Variants in OXR1 observed in about 807,000 individuals in gnomAD.
OXR1 encodes the protein oxidation resistance protein 1.
In OXR1, 41 loss-of-function variants were observed where a neutral mutation model predicts 104.6. The ratio of observed to expected loss-of-function variants is 0.39; its 90% confidence interval spans 0.31 to 0.51. The LOEUF (loss-of-function observed/expected upper bound fraction) is 0.51, where lower values mean the gene tolerates loss of function less well. Ranked by LOEUF, OXR1 falls within the 20% of genes least tolerant of loss-of-function variation. OXR1 has a pLI of 0.77. For synonymous variants in OXR1, 348 were observed against 348.4 expected (o/e 1.00, Z 0.01); for missense variants, 955 against 1,031.9 (o/e 0.93, Z 1.02).
chr8:106,510,513 A>G (rs919930224), intron 2 of OXR1, among the ~76,000 whole-genome samples: 10 of 152,226 alleles, frequency 6.6e-5, no homozygotes, highest in African/African-American at 2.4e-4. Context: ...CTAACGTTTT[A>G]TGTTAGCATT....
intron 3 of OXR1, among the ~76,000 whole-genome samples, chr8:106,558,719 C>T (rs1039664960): frequency 1.3e-5 from 2 of 152,128 alleles, no homozygotes; most frequent in African/African-American, 4.8e-5. Context: ...AACCGAAAAT[C>T]TTTTCCAAAA....
chr8:106,526,064 T>C (rs910119075), intron 3 of OXR1, among the ~76,000 whole-genome samples: 1 of 152,184 alleles, frequency 6.6e-6, no homozygotes, highest in African/African-American at 2.4e-5. Flanking sequence ...GCAATAAATA[T>C]ACAATCAGGT....
At chr8:106,736,553 A>T (rs990842934) in intron 11 of OXR1, among the ~76,000 whole-genome samples, 6 of 152,190 alleles carry the variant, frequency 3.9e-5, no homozygotes, top group Non-Finnish European at 8.8e-5. Flanking sequence ...GAATCGTCAC[A>T]TATTTATCAC....
intron 1 of OXR1, among the ~76,000 whole-genome samples, chr8:106,282,014 T>C (rs2130499383): frequency 6.6e-6 from 1 of 152,254 alleles, no homozygotes; most frequent in South Asian, 2.1e-4. Context: ...AACCCATTTA[T>C]CAATATATAT....
chr8:106,709,337 AATTT>A (rs1167929986), intron 9 of OXR1, among the ~76,000 whole-genome samples: 2 of 152,214 alleles, frequency 1.3e-5, no homozygotes, highest in East Asian at 1.9e-4. Flanking sequence ...AAGGCCCTAA[AATTT>A]ATTTAACCAT....
intron 3 of OXR1, among the ~76,000 whole-genome samples, chr8:106,644,411 C>T (rs1384437057): frequency 6.6e-6 from 1 of 152,172 alleles, no homozygotes. Context: ...TAAGCTTATT[C>T]TGTGATGCCA....
intron 3 of OXR1, among the ~76,000 whole-genome samples, chr8:106,577,546 C>T (rs966527116): frequency 9.2e-5 from 14 of 151,848 alleles, no homozygotes; most frequent in East Asian, 1.9e-4. Flanking sequence ...CCCGCCACCA[C>T]GCCCGGCTAA....
At chr8:106,485,025 G>A (rs947667775) in intron 2 of OXR1, among the ~76,000 whole-genome samples, 1 of 144,734 alleles carries the variant, frequency 6.9e-6, no homozygotes, top group African/African-American at 2.6e-5. Context: ...GCCATGAAAA[G>A]ATAGGGAGGA....
chr8:106,737,522 A>C lies in OXR1; in HGVS notation c.1959A>C (p.Val653=). Residue 653 remains valine (V), a splice_region_variant and synonymous_variant, in exon 12 of 17, where the codon GTA becomes GTC. Coordinates refer to ENST00000517566, the MANE Select transcript of OXR1 (RefSeq NM_001198533.2). ...TGTCTTCCTGTCTCCATATTTAGGT[A>C]GTGTCAGTGGCTGAGTATCACCGCA... ...SNQAAAREWE[V]VSVAEYHRRI... is the part of the protein sequence containing the mutation. 9.0e-7 allele frequency: 1 copy of C among 1,110,112 alleles called. No individual in the cohort carries two copies. The allele number at this position is 1,110,112 out of a possible 1,614,324, so 68.8% of individuals were successfully genotyped here. A position where few individuals can be genotyped will look rare whatever the true frequency, so the allele number is the denominator to read the frequency against.
intron 3 of OXR1, among the ~76,000 whole-genome samples, chr8:106,635,107 A>G (rs954076573): frequency 6.6e-6 from 1 of 152,196 alleles, no homozygotes; most frequent in African/African-American, 2.4e-5. Flanking sequence ...CCAAGAGAGG[A>G]GATTTGGTCA....
intron 3 of OXR1, among the ~76,000 whole-genome samples, chr8:106,638,925 A>G (rs1380839818): frequency 6.7e-6 from 1 of 150,074 alleles, no homozygotes; most frequent in Non-Finnish European, 1.5e-5. Flanking sequence ...AAAACAACAC[A>G]ACAAAAATCA....
At chr8:106,374,379 G>A (rs1483115187) in intron 2 of OXR1, among the ~76,000 whole-genome samples, 1 of 152,082 alleles carries the variant, frequency 6.6e-6, no homozygotes, top group Non-Finnish European at 1.5e-5. Context: ...TCCTACTGAT[G>A]GGTCAGACAA....
intron 3 of OXR1, among the ~76,000 whole-genome samples, chr8:106,577,721 G>A (rs1231849139): frequency 6.6e-6 from 1 of 152,086 alleles, no homozygotes; most frequent in Non-Finnish European, 1.5e-5. Context: ...GCCTCAGGAT[G>A]CTGGGGCTGA....
At chr8:106,338,872 C>T (rs1431861340) in intron 1 of OXR1, among the ~76,000 whole-genome samples, 3 of 152,008 alleles carry the variant, frequency 2.0e-5, no homozygotes, top group Non-Finnish European at 4.4e-5. Flanking sequence ...CTCTCACTCA[C>T]CCACTCTCTC....
chr8:106,328,809 T>C (rs1814587606), intron 1 of OXR1, among the ~76,000 whole-genome samples: 1 of 152,232 alleles, frequency 6.6e-6, no homozygotes, highest in Non-Finnish European at 1.5e-5. Context: ...GCATATTTCT[T>C]ATTCCAGAGT....
chr8:106,525,215 C>G (rs1813567520), intron 3 of OXR1, among the ~76,000 whole-genome samples: 1 of 152,242 alleles, frequency 6.6e-6, no homozygotes, highest in East Asian at 1.9e-4. Context: ...TTAACATTTA[C>G]TGTGTGCCAG....
chr8:106,295,266 A>C lies in OXR1; in HGVS notation c.-139+24899A>C, dbSNP rs552808736. ...CTCAAATATAAGGATAAGAGGTTTTAGGATTTAAATGAGGATTACACATTG... is the reference window on the plus strand; with the variant it reads ...CTCAAATATAAGGATAAGAGGTTTTCGGATTTAAATGAGGATTACACATTG... On this transcript the variant is annotated intron_variant, in intron 1 of 16. Coordinates refer to ENST00000517566, the MANE Select transcript of OXR1 (RefSeq NM_001198533.2). Among the ~76,000 whole-genome samples, 232 of 152,216 alleles carry C rather than the reference A, an allele frequency of 1.5e-3. 1 individual carries two copies. Among genetic ancestry groups the C allele is most frequent in the Non-Finnish European group, 2.6e-3 (176 of 68,036 alleles).
At chr8:106,589,765 C>A (rs1031613630) in intron 3 of OXR1, among the ~76,000 whole-genome samples, 4 of 152,132 alleles carry the variant, frequency 2.6e-5, no homozygotes, top group Non-Finnish European at 5.9e-5. Context: ...CTCCCAGGTT[C>A]AAACGATTCT....
At chr8:106,333,950 G>A (rs1028610029) in intron 1 of OXR1, among the ~76,000 whole-genome samples, 1 of 151,940 alleles carries the variant, frequency 6.6e-6, no homozygotes, top group African/African-American at 2.4e-5. Context: ...TGGGTCCCTT[G>A]GATTTTCATA....
Sources: gnomAD v4.1 joint callset for allele counts (sites outside exome capture counted in the v4.1 genomes callset) on GRCh38, gnomAD v4.1.1 for gene constraint, MANE v1.5 for transcripts, NCBI Gene and HGNC (gene_info 2026-07-23, HGNC 2026-07-21) for gene names.